Variants in ZC3H12B observed in about 807,000 individuals in gnomAD.
ZC3H12B encodes the protein zinc finger CCCH-type containing 12B.
A neutral mutation model predicts 43.9 loss-of-function variants in ZC3H12B; 7 were observed. The observed-to-expected ratio is 0.16, with a 90% CI of 0.09 to 0.30. ZC3H12B has a LOEUF of 0.30. ZC3H12B is among the 10% of genes least tolerant of loss of function. The probability of loss-of-function intolerance (pLI) is 1.00; values close to 1 mark genes in which losing one functional copy is unlikely to be tolerated. For missense variants in ZC3H12B, 475 were observed against 670.2 expected, an observed-to-expected ratio of 0.71 and a Z score of 3.22; for synonymous variants, 222 against 241.7, an observed-to-expected ratio of 0.92 and a Z score of 0.76.
the ZC3H12B span, among the ~76,000 whole-genome samples, chrX:65,066,441 A>T: frequency 9.0e-6 from 1 of 111,471 alleles, no homozygotes; most frequent in Non-Finnish European, 1.9e-5. Flanking sequence ...TCCACTCCAG[A>T]CCCTGTTTCC....
chrX:65,402,994 A>T lies in ZC3H12B; in HGVS notation n.407+4290A>T, dbSNP rs774722091. 1.4e-3 allele frequency among the ~76,000 whole-genome samples: 158 copies of T among 112,672 alleles called. 1 individual carries two copies. Among genetic ancestry groups the T allele is most frequent in the African/African-American group, 5.0e-3 (156 of 31,033 alleles). On this transcript the variant is annotated intron_variant and non_coding_transcript_variant, in intron 3 of 5. Transcript: ENST00000617377. ...AAATGAACTAAATAAGGCACCAGGG[A>T]TCAATCTTGGAGAAACAGAGATATG...
the ZC3H12B span, among the ~76,000 whole-genome samples, chrX:65,253,140 G>T: frequency 1.8e-5 from 2 of 112,074 alleles, no homozygotes; most frequent in Admixed American, 1.9e-4. Flanking sequence ...GCCACCGAGG[G>T]ACCAGGACAT....
At chrX:65,388,769 G>C (rs2066568137) in intron 2 of ZC3H12B, among the ~76,000 whole-genome samples, 1 of 111,266 alleles carries the variant, frequency 9.0e-6, no homozygotes, top group Non-Finnish European at 1.9e-5. Flanking sequence ...CCATCTTTGT[G>C]GTTTTATCTA....
chrX:65,039,222 C>T, the ZC3H12B span, among the ~76,000 whole-genome samples: 1 of 111,817 alleles, frequency 8.9e-6, no homozygotes, highest in African/African-American at 3.2e-5. Context: ...CCCTTTTAGA[C>T]TCTTGGTATC....
chrX:65,153,910 A>G, the ZC3H12B span, among the ~76,000 whole-genome samples: 1 of 111,154 alleles, frequency 9.0e-6, no homozygotes, highest in Non-Finnish European at 1.9e-5. Flanking sequence ...ATAAAAAATG[A>G]TGAGTTCATG....
chrX:65,457,078 G>A (rs1379283799), intron 3 of ZC3H12B, among the ~76,000 whole-genome samples: 1 of 90,374 alleles, frequency 1.1e-5, no homozygotes, highest in African/African-American at 4.1e-5. Context: ...GATGTGGGGA[G>A]CACCTCTGCC....
rs181052455 is a variant in ZC3H12B, at chrX:65,399,636, A to C, written n.407+932A>C. Among the ~76,000 whole-genome samples, 24 of 112,341 alleles carry C rather than the reference A, an allele frequency of 2.1e-4. No homozygotes were observed. In the East Asian group the frequency reaches 6.4e-3, roughly 30 times the overall value. ...AAACAGTTTAGAAGTTCCTCAAAAA[A>C]AGAAAAATAGAACTACCATATGTTC... On this transcript the variant is annotated intron_variant and non_coding_transcript_variant, in intron 3 of 5. Coordinates refer to the ZC3H12B transcript ENST00000617377.
At chrX:65,365,870 C>A (rs1303625875), upstream of ZC3H12B, among the ~76,000 whole-genome samples, 1 of 109,755 alleles carries the variant, frequency 9.1e-6, no homozygotes, top group Non-Finnish European at 1.9e-5. Context: ...CATTGCCTAC[C>A]CAAATCCTAT....
chrX:65,258,808 C>T, the ZC3H12B span, among the ~76,000 whole-genome samples: 3 of 111,364 alleles, frequency 2.7e-5, no homozygotes, highest in Admixed American at 2.9e-4. Context: ...GAACACAATT[C>T]CATTCGCAAT....
At chrX:65,090,412 G>T in the ZC3H12B span, among the ~76,000 whole-genome samples, 1 of 112,001 alleles carries the variant, frequency 8.9e-6, no homozygotes, top group Non-Finnish European at 1.9e-5. Context: ...AATAGATGTA[G>T]GATTTTTTTT....
chrX:65,166,256 C>G, the ZC3H12B span, among the ~76,000 whole-genome samples: 1 of 110,913 alleles, frequency 9.0e-6, no homozygotes, highest in African/African-American at 3.3e-5. Flanking sequence ...CAAGTGTACT[C>G]ATTGGTTAAT....
the ZC3H12B span, among the ~76,000 whole-genome samples, chrX:65,270,261 C>T: frequency 9.0e-6 from 1 of 111,628 alleles, no homozygotes; most frequent in Non-Finnish European, 1.9e-5. Flanking sequence ...TTGATAAGAG[C>T]ACCAAGAGGA....
intron 2 of ZC3H12B, among the ~76,000 whole-genome samples, chrX:65,378,285 T>G (rs1276020673): frequency 1.8e-5 from 2 of 111,478 alleles, no homozygotes; most frequent in Non-Finnish European, 3.8e-5. Context: ...CAGTGAGATA[T>G]AAATAGAAAT....
chrX:65,179,830 G>A, the ZC3H12B span, among the ~76,000 whole-genome samples: 1 of 111,940 alleles, frequency 8.9e-6, no homozygotes, highest in Non-Finnish European at 1.9e-5. Context: ...TCTCTGAATA[G>A]ACCAATAACA....
upstream of ZC3H12B, among the ~76,000 whole-genome samples, chrX:65,363,214 C>T (rs1294074881): frequency 2.7e-5 from 3 of 111,262 alleles, no homozygotes; most frequent in African/African-American, 9.8e-5. Context: ...TGAATCTTCT[C>T]AACAAGACAC....
the ZC3H12B span, among the ~76,000 whole-genome samples, chrX:65,080,819 A>T: frequency 8.9e-6 from 1 of 111,907 alleles, no homozygotes; most frequent in African/African-American, 3.2e-5. Context: ...GTACACAGAA[A>T]AACACAGAAT....
the ZC3H12B span, among the ~76,000 whole-genome samples, chrX:65,314,270 T>G: frequency 9.0e-6 from 1 of 111,229 alleles, no homozygotes; most frequent in Non-Finnish European, 1.9e-5. Flanking sequence ...AAGCTGAAAT[T>G]TACCCCAAAT....
At chrX:65,476,354 G>T (rs949132323) in intron 3 of ZC3H12B, among the ~76,000 whole-genome samples, 2 of 111,601 alleles carry the variant, frequency 1.8e-5, no homozygotes, top group Non-Finnish European at 3.8e-5. Flanking sequence ...CAAGTTCACA[G>T]ATTCTTCTAC....
the ZC3H12B span, among the ~76,000 whole-genome samples, chrX:65,268,248 A>T: frequency 8.9e-6 from 1 of 112,301 alleles, no homozygotes; most frequent in African/African-American, 3.2e-5. Context: ...GTCAATAACG[A>T]AGAGACTGAA....
Sources: allele counts gnomAD v4.1 joint callset (sites outside exome capture counted in the v4.1 genomes callset), GRCh38; gene constraint gnomAD v4.1.1; transcripts MANE v1.5; gene names NCBI Gene and HGNC (gene_info 2026-07-23, HGNC 2026-07-21).